Variants in ZNF565 observed in about 807,000 individuals in gnomAD.
The protein encoded by ZNF565 is zinc finger protein 565.
ZNF565 carries 27 observed loss-of-function variants against 39.4 expected under a neutral mutation model. The ratio of observed to expected loss-of-function variants is 0.69; its 90% CI spans 0.51 to 0.95. The LOEUF is 0.95. Ranked by LOEUF, ZNF565 falls within the 40% of genes least tolerant of loss-of-function variation. The pLI is 0.00. For missense variants in ZNF565, 524 were observed against 621.1 expected, an observed-to-expected ratio of 0.84 and a Z score of 1.66; for synonymous variants, 185 against 216.6, an observed-to-expected ratio of 0.85 and a Z score of 1.28.
At chr19:36,208,969 A>G (rs1205067707) in intron 1 of ZNF565, among the ~76,000 whole-genome samples, 1 of 152,092 alleles carries the variant, frequency 6.6e-6, no homozygotes, top group Non-Finnish European at 1.5e-5. Context: ...AATAGCTGGG[A>G]CTACAGGTGT....
intron 1 of ZNF565, among the ~76,000 whole-genome samples, chr19:36,235,369 T>G (rs895379163): frequency 3.1e-4 from 47 of 152,200 alleles, no homozygotes; most frequent in African/African-American, 1.1e-3. Flanking sequence ...TCAAGAGTAC[T>G]TTCAGCTTTG....
At chr19:36,192,910 G>A (rs535810275) in intron 4 of ZNF565, among the ~76,000 whole-genome samples, 2 of 151,914 alleles carry the variant, frequency 1.3e-5, no homozygotes, top group Non-Finnish European at 2.9e-5. Context: ...TCCACCTCAT[G>A]GGTTCAAGAG....
At chr19:36,212,436 AC>A (rs1331178896) in intron 1 of ZNF565, among the ~76,000 whole-genome samples, 1 of 151,148 alleles carries the variant, frequency 6.6e-6, no homozygotes, top group Non-Finnish European at 1.5e-5. Flanking sequence ...ACATGGTGAA[AC>A]CCCCCTCCCC....
intron 2 of ZNF565, among the ~76,000 whole-genome samples, chr19:36,199,409 C>T (rs1278126151): frequency 1.3e-5 from 2 of 152,094 alleles, no homozygotes; most frequent in African/African-American, 4.8e-5. Flanking sequence ...CAACTCCTAC[C>T]ATGTCTATGT....
chr19:36,232,999 T>C (rs1344568406), intron 1 of ZNF565, among the ~76,000 whole-genome samples: 3 of 152,186 alleles, frequency 2.0e-5, no homozygotes, highest in Non-Finnish European at 4.4e-5. Context: ...TTGCCACGCT[T>C]TTGTATGTCC....
intron 2 of ZNF565, among the ~76,000 whole-genome samples, chr19:36,200,700 G>C (rs1218308389): frequency 6.6e-6 from 1 of 150,976 alleles, no homozygotes; most frequent in Non-Finnish European, 1.5e-5. Flanking sequence ...TGTTGGCCAG[G>C]ATGGTTTTGA....
At chr19:36,233,921 C>T (rs868040519) in intron 1 of ZNF565, among the ~76,000 whole-genome samples, 14 of 152,136 alleles carry the variant, frequency 9.2e-5, no homozygotes, top group Non-Finnish European at 1.3e-4. Context: ...TTACGGGTGT[C>T]GGACTGGGGG....
In ZNF565 at chr19:36,245,619, C is replaced by T. The variant is rs1336335400; in HGVS notation, c.-89G>A. ...GAGATGCAGCCTCCCAGCTTCGAGG[C>T]TACCACCTGCCCGAATTGGTGCTTT... is the stretch of plus-strand genomic sequence containing the variant. On this transcript the variant is annotated 5_prime_UTR_variant, in exon 1 of 5. Transcript: ENST00000355114. This position sits in a 1 kb window ranked among gnomAD's most constrained non-coding sequence, Gnocchi z 4.4. 5.7e-6 allele frequency: 4 copies of T among 699,272 alleles called. No homozygotes were observed. The highest frequency in any genetic ancestry group is 1.0e-5 in the Non-Finnish European group (4 of 382,844). The allele number at this position is 699,272 out of a possible 1,614,324, so 43.3% of individuals were successfully genotyped here. A position where few individuals can be genotyped will look rare whatever the true frequency, so the allele number is the denominator to read the frequency against.
chr19:36,239,822 A>C (rs2145478146), intron 1 of ZNF565, among the ~76,000 whole-genome samples: 1 of 152,290 alleles, frequency 6.6e-6, no homozygotes, highest in Non-Finnish European at 1.5e-5. Flanking sequence ...CCAGCCCTTC[A>C]TGAAAATTTT....
chr19:36,220,243 T>C (rs928823528), intron 1 of ZNF565, among the ~76,000 whole-genome samples: 1 of 152,230 alleles, frequency 6.6e-6, no homozygotes, highest in Non-Finnish European at 1.5e-5. Flanking sequence ...TTGCAGAGCA[T>C]TTAAAAAATA....
chr19:36,194,389 C>A, intron 3 of ZNF565, 61 bp from the exon 4 acceptor site: 2 of 1,360,318 alleles, frequency 1.5e-6, no homozygotes, highest in East Asian at 2.5e-5. Context: ...ACCCAGTTCC[C>A]TGGTCACCAT....
chr19:36,229,648 G>T (rs1423118841), intron 1 of ZNF565, among the ~76,000 whole-genome samples: 4 of 152,012 alleles, frequency 2.6e-5, no homozygotes, highest in African/African-American at 9.7e-5. Flanking sequence ...TCATATAAAT[G>T]GTGGTATATT....
At chr19:36,222,778 C>CTTTTTTTTTTTTTTTTT (rs55668684) in intron 1 of ZNF565, among the ~76,000 whole-genome samples, 1 of 100,886 alleles carries the variant, frequency 9.9e-6, no homozygotes, top group African/African-American at 3.7e-5. Flanking sequence ...TGAGTGGTGG[C>CTTTTTTTTTTTTTTTTT]TTTTTTTTTT....
chr19:36,224,490 C>CT (rs1264656489), intron 1 of ZNF565, among the ~76,000 whole-genome samples: 1 of 152,212 alleles, frequency 6.6e-6, no homozygotes, highest in Non-Finnish European at 1.5e-5. Context: ...AGCAGAAAGA[C>CT]TGAGGACACT....
intron 1 of ZNF565, among the ~76,000 whole-genome samples, 198 bp downstream of exon 1, chr19:36,214,424 C>T (rs981938055): frequency 1.3e-5 from 2 of 152,196 alleles, no homozygotes; most frequent in African/African-American, 4.8e-5. Context: ...TACTCTCTAT[C>T]ACACATGGTT....
chr19:36,222,546 G>A (rs1190340666), intron 1 of ZNF565, among the ~76,000 whole-genome samples: 2 of 152,106 alleles, frequency 1.3e-5, no homozygotes, highest in South Asian at 4.1e-4. Context: ...GTGTAGTGTC[G>A]AATATTTGGT....
At chr19:36,231,479 G>A (rs1320342308) in intron 1 of ZNF565, among the ~76,000 whole-genome samples, 2 of 152,138 alleles carry the variant, frequency 1.3e-5, no homozygotes, top group African/African-American at 4.8e-5. Flanking sequence ...AAAGTGCTAG[G>A]ATTACAGGCG....
chr19:36,241,579 G>A (rs1977801443), intron 1 of ZNF565, among the ~76,000 whole-genome samples: 2 of 151,770 alleles, frequency 1.3e-5, no homozygotes, highest in Non-Finnish European at 2.9e-5. Flanking sequence ...GATCACCTGA[G>A]GTCAGGAGTT....
chr19:36,212,621 CAA>C (rs776196896), intron 1 of ZNF565, among the ~76,000 whole-genome samples: 3 of 110,398 alleles, frequency 2.7e-5, no homozygotes, highest in African/African-American at 6.8e-5. Context: ...GACTCCGTCT[CAA>C]AAAAAAAAAA....
Sources: allele counts gnomAD v4.1 joint callset (sites outside exome capture counted in the v4.1 genomes callset), GRCh38; gene constraint gnomAD v4.1.1; non-coding constraint Gnocchi (gnomAD v3.1); transcripts MANE v1.5; gene names NCBI Gene and HGNC (gene_info 2026-07-23, HGNC 2026-07-21).